EIF2AK1: variants seen among roughly 807,000 people sequenced by gnomAD.
EIF2AK1 encodes eukaryotic translation initiation factor 2 alpha kinase 1.
In EIF2AK1, 54 loss-of-function variants were observed where a neutral mutation model predicts 77.9. The ratio of observed to expected loss-of-function variants is 0.69; its 90% CI spans 0.56 to 0.87. The LOEUF (loss-of-function observed/expected upper bound fraction) is 0.87, where lower values mean the gene tolerates loss of function less well. Ranked by LOEUF, EIF2AK1 falls within the 40% of genes least tolerant of loss-of-function variation. The probability of loss-of-function intolerance (pLI) is 0.00; values close to 1 mark genes in which losing one functional copy is unlikely to be tolerated. For missense variants in EIF2AK1, 810 were observed against 768.6 expected, an observed-to-expected ratio of 1.05 and a Z score of -0.64; for synonymous variants, 314 against 290.5, an observed-to-expected ratio of 1.08 and a Z score of -0.82.
At chr7:6,031,705 G>T in intron 11 of EIF2AK1, 1 of 1,003,644 alleles carries the variant, frequency 1.0e-6, no homozygotes. Context: ...AATGAGACAC[G>T]ACTCCAGCTC....
chr7:6,031,173 CT>C (rs1218056951), intron 11 of EIF2AK1, among the ~76,000 whole-genome samples: 1 of 152,044 alleles, frequency 6.6e-6, no homozygotes, highest in Non-Finnish European at 1.5e-5. Flanking sequence ...GTAGAAAACC[CT>C]AAAAACTGCT....
At chr7:6,034,892 T>C (rs1354727155) in intron 11 of EIF2AK1, among the ~76,000 whole-genome samples, 1 of 152,162 alleles carries the variant, frequency 6.6e-6, no homozygotes, top group East Asian at 1.9e-4. Flanking sequence ...TTCTGCTCCC[T>C]ACACACTCAC....
chr7:6,041,519 AC>A (rs1439001572), intron 8 of EIF2AK1, among the ~76,000 whole-genome samples: 1 of 150,650 alleles, frequency 6.6e-6, no homozygotes, highest in Non-Finnish European at 1.5e-5. Context: ...AGCCTGGGCG[AC>A]AAAGTGAGTG....
At chr7:6,040,768 T>C (rs73056662) in intron 9 of EIF2AK1, 124 bp downstream of exon 9, 66,390 of 790,358 alleles carry the variant, frequency 0.084, 3,156 homozygotes, top group Admixed American at 0.1. Context: ...AAGGGGAACA[T>C]GGCCAGTACA....
chr7:6,058,932 A>T, intron 1 of EIF2AK1, 34 bp downstream of exon 1: 2 of 1,485,972 alleles, frequency 1.3e-6, no homozygotes, highest in Non-Finnish European at 1.8e-6. Flanking sequence ...GGACAGAGAG[A>T]GCAGAGCGGC....
At chr7:6,058,754 G>A (rs1299650547) in intron 1 of EIF2AK1, among the ~76,000 whole-genome samples, 1 of 152,220 alleles carries the variant, frequency 6.6e-6, no homozygotes, top group Non-Finnish European at 1.5e-5. Flanking sequence ...AACAAAGGAG[G>A]GAGAGGCAGA....
intron 8 of EIF2AK1, among the ~76,000 whole-genome samples, chr7:6,042,259 T>C (rs1324517283): frequency 6.6e-6 from 1 of 151,714 alleles, no homozygotes; most frequent in African/African-American, 2.4e-5. Flanking sequence ...GAGACCAGCC[T>C]GGCCAACATG....
chr7:6,036,001 A>G lies in EIF2AK1; in HGVS notation c.1332+1423T>C. 6.4e-7 allele frequency: 1 copy of G among 1,551,128 alleles called. No homozygotes were observed. On this transcript the variant is annotated intron_variant, in intron 11 of 14. Coordinates refer to ENST00000199389, the MANE Select transcript of EIF2AK1 (RefSeq NM_014413.4). The surrounding 1 kb of genome is among the most constrained non-coding windows in gnomAD (Gnocchi z 4.6). ...CATGAGGCATGCTTTGGAGGCAGAGAGGCAATCATCAATCTCCTGCTTGAA... is the reference window on the plus strand; with the variant it reads ...CATGAGGCATGCTTTGGAGGCAGAGGGGCAATCATCAATCTCCTGCTTGAA...
chr7:6,054,498 C>A (rs755256122), intron 2 of EIF2AK1, 48 bp downstream of exon 2: 1 of 1,606,012 alleles, frequency 6.2e-7, no homozygotes, highest in Admixed American at 1.7e-5. Context: ...ACCACGGAGC[C>A]CAGCCTTTAC....
At chr7:6,054,313 T>TCC (rs1324003840) in intron 2 of EIF2AK1, among the ~76,000 whole-genome samples, 7 of 152,164 alleles carry the variant, frequency 4.6e-5, no homozygotes, top group East Asian at 1.9e-4. Context: ...CAACTGATTC[T>TCC]CCGCCTCAGC....
In EIF2AK1 at chr7:6,024,463, G is replaced by C; in HGVS notation, c.*210C>G. On this transcript the variant is annotated 3_prime_UTR_variant, in exon 15 of 15. Coordinates refer to ENST00000199389, the MANE Select transcript of EIF2AK1 (RefSeq NM_014413.4). ...TGAGGTCCAAGTTTTTAGTTTCAGA[G>C]ACTAGGCATATGGTTAATATTTAGG... The C allele has an allele frequency of 7.1e-7, 1 of 1,405,170 alleles. No individual in the cohort carries two copies. The highest frequency in any genetic ancestry group is 9.2e-7 in the Non-Finnish European group (1 of 1,085,232). The allele number at this position is 1,405,170 out of a possible 1,614,324, so 87.0% of individuals were successfully genotyped here.
intron 13 of EIF2AK1, chr7:6,028,187 T>G: frequency 3.2e-6 from 1 of 315,518 alleles, no homozygotes; most frequent in Non-Finnish European, 6.3e-6. Flanking sequence ...CAGTTAATTA[T>G]CTACAGTACT....
chr7:6,053,770 C>G (rs1339660080), intron 2 of EIF2AK1, among the ~76,000 whole-genome samples: 2 of 149,420 alleles, frequency 1.3e-5, no homozygotes, highest in South Asian at 4.2e-4. Context: ...CGGGTTCAAG[C>G]AATTCTCCTA....
In EIF2AK1 at chr7:6,049,278, C is replaced by T. The variant is rs187459633; in HGVS notation, c.412-434G>A. Among the ~76,000 whole-genome samples the T allele has an allele frequency of 2.0e-3, 298 of 152,138 alleles. 1 individual carries two copies. The highest frequency in any genetic ancestry group is 4.8e-3 in the Admixed American group (73 of 15,246). ...CCATAAATTAGGTAGGGCGCGGTGG[C>T]TCACGCCTGTAATCCCAGCACTTGG... On this transcript the variant is annotated intron_variant, in intron 3 of 14. Coordinates refer to ENST00000199389, the MANE Select transcript of EIF2AK1 (RefSeq NM_014413.4).
chr7:6,023,223 G>T lies in EIF2AK1; in HGVS notation c.*1450C>A. ...ATGTCATCAGTCTGTGGTGTTTGGTGACTGTCCCCTTCCCCACTGTGCGAG... is the reference window on the plus strand; with the variant it reads ...ATGTCATCAGTCTGTGGTGTTTGGTTACTGTCCCCTTCCCCACTGTGCGAG... On this transcript the variant is annotated 3_prime_UTR_variant, in exon 15 of 15. Coordinates refer to ENST00000199389, the MANE Select transcript of EIF2AK1 (RefSeq NM_014413.4). The T allele has an allele frequency of 6.8e-7, 1 of 1,469,370 alleles. No homozygotes were observed. Among genetic ancestry groups the T allele is most frequent in the South Asian group, 1.4e-5 (1 of 73,424 alleles). 91.0% of individuals were successfully genotyped at this position (1,469,370 alleles called of 1,614,324 possible).
chr7:6,040,855 A>C, intron 9 of EIF2AK1, 37 bp downstream of exon 9: 2 of 1,546,314 alleles, frequency 1.3e-6, no homozygotes, highest in Non-Finnish European at 1.8e-6. Flanking sequence ...AGTCACCAAT[A>C]CTGGCCAAAT....
At chr7:6,037,278 C>T (rs1243452919) in intron 11 of EIF2AK1, 146 bp downstream of exon 11, 4 of 630,586 alleles carry the variant, frequency 6.3e-6, no homozygotes, top group Admixed American at 2.6e-5. Flanking sequence ...CTGGATCTAT[C>T]GAACAATGAC....
intron 9 of EIF2AK1, 97 bp downstream of exon 9, chr7:6,040,795 G>A: frequency 9.7e-7 from 1 of 1,029,926 alleles, no homozygotes; most frequent in Non-Finnish European, 1.5e-6. Flanking sequence ...TGAACGCAGG[G>A]CAGAAGCGCC....
intron 11 of EIF2AK1, chr7:6,031,490 G>C: frequency 1.3e-6 from 2 of 1,550,684 alleles, no homozygotes; most frequent in Non-Finnish European, 8.7e-7. Context: ...CATCATGAGA[G>C]AAGACTGCAC....
Sources: allele counts gnomAD v4.1 joint callset (sites outside exome capture counted in the v4.1 genomes callset), GRCh38; gene constraint gnomAD v4.1.1; non-coding constraint Gnocchi (gnomAD v3.1); transcripts MANE v1.5; gene names NCBI Gene and HGNC (gene_info 2026-07-23, HGNC 2026-07-21).